Variants in LAMA5 observed in about 807,000 individuals in gnomAD.
The protein encoded by LAMA5 is laminin subunit alpha 5.
Under a neutral mutation model 433.4 loss-of-function variants are expected in LAMA5, and 260 were observed. The observed-to-expected ratio is 0.60, with a 90% CI of 0.54 to 0.66. The LOEUF is 0.66. LAMA5 is among the 30% of genes least tolerant of loss of function. LAMA5 has a pLI of 0.00. For synonymous variants in LAMA5, 2,620 were observed against 2,226.6 expected, an observed-to-expected ratio of 1.18 and a Z score of -4.97; for missense variants, 5,378 against 5,258.5, an observed-to-expected ratio of 1.02 and a Z score of -0.70.
rs1234144014 is a variant in LAMA5, at chr20:62,327,290, C to A, written c.5055G>T (p.Val1685=). The A allele has an allele frequency of 1.3e-6, 2 of 1,578,610 alleles. No homozygotes were observed. The highest frequency in any genetic ancestry group is 2.7e-5 in the African/African-American group (2 of 74,268). ...AGTACAGCTCGGGGAAAGCCTCGGG[C>A]ACAGCCTCAGGCACGTGCCGCAGGT... The part of the protein sequence containing the change: ...RADLRHVPEA[V]PEAFPELYWQ... Residue 1685 remains valine, a synonymous_variant, in exon 38 of 80, where the codon GTG becomes GTT. Transcript: ENST00000252999.
chr20:62,324,817 C>T lies in LAMA5; in HGVS notation c.5530-263G>A. The T allele has an allele frequency of 2.0e-6, 1 of 505,650 alleles. No homozygotes were observed. The highest frequency in any genetic ancestry group is 2.2e-5 in the South Asian group (1 of 46,376). The allele number at this position is 505,650 out of a possible 1,614,324, so 31.3% of individuals were successfully genotyped here. On this transcript the variant is annotated intron_variant, in intron 41 of 79. Transcript: ENST00000252999. The surrounding 1 kb of genome is among the most constrained non-coding windows in gnomAD (Gnocchi z 4.4). Reference sequence around the variant, plus strand: ...TCTCGGGAATGACCAGGCCTTGGGGCTGGTGACCACCCACTCCATGTGGAC... The same window carrying T: ...TCTCGGGAATGACCAGGCCTTGGGGTTGGTGACCACCCACTCCATGTGGAC...
rs1224427632 is a variant in LAMA5 at position 62,318,329 on chromosome 20, C to CGGGGGAGGGGAGGACG, written c.7239+124_7239+125insCGTCCTCCCCTCCCCC. 637 of 286,444 alleles carry CGGGGGAGGGGAGGACG rather than the reference C, an allele frequency of 2.2e-3. 19 individuals carry two copies. The East Asian group carries it at 0.025, about 11-fold the overall frequency. The allele number at this position is 286,444 out of a possible 1,614,324, so 17.7% of individuals were successfully genotyped here. A position where few individuals can be genotyped will look rare whatever the true frequency, so the allele number is the denominator to read the frequency against. On this transcript the variant is annotated intron_variant, in intron 53 of 79. Transcript: ENST00000252999. The stretch of plus-strand genomic sequence containing the variant: ...GAAGAAGAGGAGGAGGGGGGGAGGA[C>CGGGGGAGGGGAGGACG]GAGGGAGGGGAGGACGGAGGGAGGG...
At chr20:62,352,106 T>C in intron 4 of LAMA5, 27 bp from the exon 5 acceptor site, 1 of 1,607,288 alleles carries the variant, frequency 6.2e-7, no homozygotes, top group Non-Finnish European at 8.5e-7. Context: ...GTGACGCCAG[T>C]GTGGCCCTAG....
intron 1 of LAMA5, among the ~76,000 whole-genome samples, 164 bp downstream of exon 1, chr20:62,366,785 G>C (rs1402057183): frequency 6.6e-6 from 1 of 152,184 alleles, no homozygotes; most frequent in Admixed American, 6.5e-5. Flanking sequence ...TCCCGGCCGA[G>C]ACGGAGCGGC....
intron 11 of LAMA5, among the ~76,000 whole-genome samples, chr20:62,340,092 C>T (rs543236223): frequency 3.3e-5 from 5 of 152,126 alleles, no homozygotes; most frequent in African/African-American, 1.2e-4. Flanking sequence ...TGTCACCCAA[C>T]GGGCAGCAGA....
At chr20:62,353,865 G>A (rs907369335) in intron 2 of LAMA5, among the ~76,000 whole-genome samples, 1 of 152,128 alleles carries the variant, frequency 6.6e-6, no homozygotes, top group Non-Finnish European at 1.5e-5. Flanking sequence ...AGCCCCCAGG[G>A]ACTGGGCTGC....
rs1434609052 is a variant in LAMA5 at position 62,338,586 on chromosome 20, C to T, written c.1500G>A (p.Gly500=). The change falls in exon 12 of 80, where the codon GGG becomes GGA. Residue 500 remains glycine, a synonymous_variant. Coordinates refer to ENST00000252999, the MANE Select transcript of LAMA5 (RefSeq NM_005560.6). ...QIVNCDCSAA[G]TQGNACRKDP... Reference sequence around the variant, plus strand: ...CCTTCCGGCAGGCGTTGCCCTGGGTCCCTGCCGCGCTGCAGTCACAATCTG... The same window carrying T: ...CCTTCCGGCAGGCGTTGCCCTGGGTTCCTGCCGCGCTGCAGTCACAATCTG... 2 of 1,610,528 alleles carry T rather than the reference C, an allele frequency of 1.2e-6. No individual in the cohort carries two copies. The highest frequency in any genetic ancestry group is 1.7e-6 in the Non-Finnish European group (2 of 1,179,470).
intron 26 of LAMA5, 27 bp from the exon 27 acceptor site, chr20:62,332,744 G>A (rs1980722684): frequency 6.2e-7 from 1 of 1,605,672 alleles, no homozygotes; most frequent in South Asian, 1.1e-5. Context: ...GTGACGGGAG[G>A]CCCGCCACCC....
rs777582753 is a variant in LAMA5, at chr20:62,316,776, G to A, written c.7654-3C>T. ...ACCAGGCCCTGCCGCACCACCGTCT[G>A]TGGATGCCAGGGCAGACCGTGGCTC... On this transcript the variant is annotated splice_polypyrimidine_tract_variant and splice_region_variant and intron_variant, in intron 56 of 79. Transcript: ENST00000252999. The A allele has an allele frequency of 1.9e-6, 3 of 1,601,468 alleles. No homozygotes were observed. The highest frequency in any genetic ancestry group is 1.7e-6 in the Non-Finnish European group (2 of 1,174,136).
At chr20:62,366,408 C>T (rs1986730663) in intron 1 of LAMA5, among the ~76,000 whole-genome samples, 1 of 152,232 alleles carries the variant, frequency 6.6e-6, no homozygotes, top group African/African-American at 2.4e-5. Context: ...TCCTGGGAGC[C>T]ACGTGTTCCC....
chr20:62,316,786 G>A lies in LAMA5; in HGVS notation c.7654-13C>T, dbSNP rs538748599. The A allele has an allele frequency of 1.8e-5, 29 of 1,593,470 alleles. No homozygotes were observed. In the African/African-American group the frequency reaches 3.5e-4, roughly 19 times the overall value. On this transcript the variant is annotated splice_polypyrimidine_tract_variant and intron_variant, in intron 56 of 79. Transcript: ENST00000252999. ...GCCGCACCACCGTCTGTGGATGCCAGGGCAGACCGTGGCTCAGACACGCAG... is the reference window on the plus strand; with the variant it reads ...GCCGCACCACCGTCTGTGGATGCCAAGGCAGACCGTGGCTCAGACACGCAG...
rs749233980 is a variant in LAMA5 at position 62,334,336 on chromosome 20, C to T, written c.2589G>A (p.Ala863=). 2.3e-5 allele frequency: 37 copies of T among 1,600,548 alleles called. No individual in the cohort carries two copies. Among genetic ancestry groups the T allele is most frequent in the Middle Eastern group, 3.5e-4 (2 of 5,766 alleles). The change falls in exon 22 of 80, where the codon GCG becomes GCA. Residue 863 remains alanine (A), a synonymous_variant. Transcript: ENST00000252999. ...GCAGGTCCGGGAGGTAGTGGTCCCT[C>T]GCAGGCCTGGCCACAGCAGGGGCTG... is the stretch of plus-strand genomic sequence containing the variant. The part of the protein sequence containing the change: ...NTQGPTCSEP[A]RDHYLPDLHH...
At position 62,333,644 on chromosome 20, in the gene LAMA5, G is replaced by A. The variant is rs756199847; in HGVS notation, c.2941C>T (p.Pro981Ser). The A allele has an allele frequency of 5.0e-6, 8 of 1,591,024 alleles. No individual in the cohort carries two copies. Among genetic ancestry groups the A allele is most frequent in the Non-Finnish European group, 6.8e-6 (8 of 1,170,232 alleles). The stretch of plus-strand genomic sequence containing the variant: ...AAGGGCTCTCCGAAGCCCCTCTGGG[G>A]CACGGTGATGAAGGCAGGCTCCGTG... ...PSTEPAFITV[P>S]QRGFGEPFVL... Residue 981 changes from proline to serine, a missense_variant, in exon 24 of 80, where the codon CCC (proline) becomes TCC (serine). By Grantham distance (74) the Pro-to-Ser change is moderately conservative. Coordinates refer to ENST00000252999, the MANE Select transcript of LAMA5 (RefSeq NM_005560.6).
At chr20:62,328,112 G>A (rs1979645405) in intron 35 of LAMA5, 102 bp from the exon 36 acceptor site, 3 of 1,541,676 alleles carry the variant, frequency 1.9e-6, no homozygotes, top group African/African-American at 1.4e-5. Flanking sequence ...TCCCAGAAGT[G>A]GAGGAGAGGG....
In LAMA5 at chr20:62,324,501, A is replaced by T; in HGVS notation, c.5583T>A (p.Cys1861Ter). The change falls in exon 42 of 80, where the codon TGT becomes TGA. Residue 1861 changes from cysteine to a stop codon, truncating the protein, a stop_gained. Coordinates refer to ENST00000252999, the MANE Select transcript of LAMA5 (RefSeq NM_005560.6). LOFTEE classifies it high-confidence loss of function. The surrounding 1 kb of genome is among the most constrained non-coding windows in gnomAD (Gnocchi z 4.4). ...AGTGTCCATGGCACTGACAAGGGAC[A>T]CATCGGCCCAGGAAGAGACCTTTGA... Reference protein sequence around the residue: ...RDVKGLFLGRCVPCQCHGHSD... With the variant: ...RDVKGLFLGR 1 of 1,612,570 alleles carries T rather than the reference A, an allele frequency of 6.2e-7. No individual in the cohort carries two copies. The highest frequency in any genetic ancestry group is 8.5e-7 in the Non-Finnish European group (1 of 1,179,904).
At chr20:62,312,841 C>T (rs573842017) in intron 66 of LAMA5, 47 bp downstream of exon 66, 13 of 1,601,614 alleles carry the variant, frequency 8.1e-6, no homozygotes, top group East Asian at 2.2e-5. Context: ...CCGCCCCCAT[C>T]GTTCCATCTC....
chr20:62,320,778 G>A lies in LAMA5; in HGVS notation c.6609C>T (p.Ala2203=). 1 of 1,612,692 alleles carries A rather than the reference G, an allele frequency of 6.2e-7. No individual in the cohort carries two copies. The highest frequency in any genetic ancestry group is 8.5e-7 in the Non-Finnish European group (1 of 1,179,910). ...TGGAGGCGTTCAGCCTGTGCAGACG[G>A]GCCCAGGCCATGGAGCTGGCATTGA... The part of the protein sequence containing the change: ...RGINASSMAW[A]RLHRLNASIA... Residue 2203 remains alanine, a synonymous_variant, in exon 49 of 80, where the codon GCC becomes GCT. Transcript: ENST00000252999.
At chr20:62,335,307 G>T (rs1169498503) in intron 18 of LAMA5, 38 bp from the exon 19 acceptor site, 3 of 1,607,364 alleles carry the variant, frequency 1.9e-6, no homozygotes, top group Non-Finnish European at 1.7e-6. Flanking sequence ...GCTTGGTGGG[G>T]CAGGAGAGCC....
Position 62,313,392 on chromosome 20 carries a change from C to T in LAMA5, c.8727G>A (p.Val2909=), listed in dbSNP as rs371189403. 1.4e-5 allele frequency: 22 copies of T among 1,606,154 alleles called. No homozygotes were observed. Among genetic ancestry groups the T allele is most frequent in the Non-Finnish European group, 1.9e-5 (22 of 1,177,306 alleles). ...CIEMDTLNEE[V]VSLYNFERTF... is the part of the protein sequence containing the mutation. ...TCCTCTCGAAGTTGTAGAGGCTGAC[C>T]ACCTCCTCATTCAGCGTGTCCATCT... Residue 2909 remains valine (V), a synonymous_variant, in exon 64 of 80, where the codon GTG becomes GTA. Transcript: ENST00000252999.
Sources: allele counts gnomAD v4.1 joint callset (sites outside exome capture counted in the v4.1 genomes callset), GRCh38; gene constraint gnomAD v4.1.1; non-coding constraint Gnocchi (gnomAD v3.1); transcripts MANE v1.5; gene names NCBI Gene and HGNC (gene_info 2026-07-23, HGNC 2026-07-21).